Variants in RABGEF1 observed in about 807,000 individuals in gnomAD.
RABGEF1 encodes the protein RAB guanine nucleotide exchange factor 1, also known as rab5 GDP/GTP exchange factor.
Under a neutral mutation model 57.3 loss-of-function variants are expected in RABGEF1, and 26 were observed. The ratio of observed to expected loss-of-function variants is 0.45; its 90% CI spans 0.33 to 0.63. RABGEF1 has a LOEUF of 0.63. RABGEF1 is among the 20% of genes least tolerant of loss of function. RABGEF1 has a pLI of 0.02. For synonymous variants in RABGEF1, 185 were observed against 210.7 expected (o/e 0.88, Z 1.06); for missense variants, 464 against 607.6 (o/e 0.76, Z 2.48).
At chr7:66,723,158 G>C (rs867947578) in intron 2 of RABGEF1, among the ~76,000 whole-genome samples, 1 of 151,942 alleles carries the variant, frequency 6.6e-6, no homozygotes. Flanking sequence ...TAGTAGAGAC[G>C]GGGTTTCACC....
chr7:66,752,728 A>G (rs1801727916), intron 1 of RABGEF1, among the ~76,000 whole-genome samples: 1 of 152,112 alleles, frequency 6.6e-6, no homozygotes, highest in East Asian at 1.9e-4. Flanking sequence ...TGAATCAGAA[A>G]CTCTGGGGTG....
chr7:66,661,624 A>G, the RABGEF1 span, among the ~76,000 whole-genome samples: 2 of 152,180 alleles, frequency 1.3e-5, no homozygotes, highest in Non-Finnish European at 2.9e-5. Flanking sequence ...TTAAATTACT[A>G]ATTAAAATCC....
chr7:66,709,467 T>C (rs1794528368), intron 1 of RABGEF1, among the ~76,000 whole-genome samples: 2 of 152,112 alleles, frequency 1.3e-5, no homozygotes, highest in Admixed American at 1.3e-4. Context: ...AGTATACATA[T>C]TACAGTATTA....
At chr7:66,765,684 A>G (rs1805518341) in intron 1 of RABGEF1, among the ~76,000 whole-genome samples, 1 of 152,224 alleles carries the variant, frequency 6.6e-6, no homozygotes, top group South Asian at 2.1e-4. Context: ...TAGAAGGATC[A>G]TGTCACACAG....
At chr7:66,671,807 G>A in the RABGEF1 span, among the ~76,000 whole-genome samples, 3 of 143,842 alleles carry the variant, frequency 2.1e-5, no homozygotes, top group South Asian at 2.2e-4. Flanking sequence ...GGGCAACAGA[G>A]TGAGACTGTC....
At chr7:66,792,347 A>G (rs1412798851) in intron 4 of RABGEF1, among the ~76,000 whole-genome samples, 1 of 152,198 alleles carries the variant, frequency 6.6e-6, no homozygotes, top group Admixed American at 6.5e-5. Context: ...TAACAAATTA[A>G]CCTGCCATGG....
chr7:66,756,789 A>T (rs2129072743), intron 1 of RABGEF1, among the ~76,000 whole-genome samples: 1 of 152,288 alleles, frequency 6.6e-6, no homozygotes, highest in East Asian at 1.9e-4. Flanking sequence ...TTTTAAAGAT[A>T]CCTGTAATTA....
intron 4 of RABGEF1, among the ~76,000 whole-genome samples, chr7:66,787,095 C>T (rs959544117): frequency 6.6e-6 from 1 of 152,054 alleles, no homozygotes; most frequent in African/African-American, 2.4e-5. Context: ...GGTGTGATCT[C>T]TGCTCATTGC....
chr7:66,696,207 A>T (rs1011185263), intron 1 of RABGEF1, among the ~76,000 whole-genome samples: 1 of 152,010 alleles, frequency 6.6e-6, no homozygotes, highest in African/African-American at 2.4e-5. Flanking sequence ...CTGGGATTAC[A>T]AGTGCCTAAC....
At chr7:66,719,222 A>G (rs1242458040) in intron 2 of RABGEF1, among the ~76,000 whole-genome samples, 1 of 152,220 alleles carries the variant, frequency 6.6e-6, no homozygotes, top group Non-Finnish European at 1.5e-5. Context: ...GGCTGTCTCC[A>G]TTCTTCCTGA....
At chr7:66,735,830 C>G (rs557159764), upstream of RABGEF1, among the ~76,000 whole-genome samples, 4 of 152,328 alleles carry the variant, frequency 2.6e-5, no homozygotes, top group South Asian at 8.3e-4. Flanking sequence ...AACCTCTTTC[C>G]TTTATAAATC....
chr7:66,678,564 CAAA>C (rs58309880), upstream of RABGEF1, among the ~76,000 whole-genome samples: 7 of 86,190 alleles, frequency 8.1e-5, no homozygotes, highest in African/African-American at 1.9e-4. Context: ...GAGTCCGTCT[CAAA>C]AAAAAAAAAA....
the RABGEF1 span, among the ~76,000 whole-genome samples, chr7:66,662,775 G>A: frequency 2.7e-5 from 4 of 150,750 alleles, no homozygotes; most frequent in African/African-American, 4.9e-5. Context: ...ATGTACAGCC[G>A]TGTGTGCACG....
chr7:66,796,766 T>A (rs1343797669), intron 5 of RABGEF1: 1 of 323,170 alleles, frequency 3.1e-6, no homozygotes, highest in East Asian at 1.2e-4. Flanking sequence ...AATTTTTGTA[T>A]TTTTATTAGA....
rs1799738273 is a variant in RABGEF1, at chr7:66,744,473, C to T, written c.-18+3681C>T. 2.6e-5 allele frequency among the ~76,000 whole-genome samples: 4 copies of T among 151,594 alleles called. No individual in the cohort carries two copies. In the South Asian group the frequency reaches 8.3e-4, roughly 31 times the overall value. ...CACGAGGTCAGGAGATCAAGACCAT[C>T]CTGGCTAACACGGTGAAACCCTGTC... On this transcript the variant is annotated intron_variant, in intron 1 of 8. Coordinates refer to ENST00000284957, the MANE Select transcript of RABGEF1 (RefSeq NM_014504.3).
chr7:66,696,689 C>CAAAAA (rs71049476), intron 1 of RABGEF1, among the ~76,000 whole-genome samples: 3 of 66,308 alleles, frequency 4.5e-5, no homozygotes, highest in Non-Finnish European at 9.4e-5. Flanking sequence ...GACTCCGTCT[C>CAAAAA]AAAAAAAAAA....
At chr7:66,701,474 G>A (rs2117256831) in intron 1 of RABGEF1, among the ~76,000 whole-genome samples, 1 of 151,826 alleles carries the variant, frequency 6.6e-6, no homozygotes, top group East Asian at 1.9e-4. Context: ...ACTCCAGCCT[G>A]GAGGACAGAG....
At chr7:66,797,803 C>T (rs1376833547) in intron 6 of RABGEF1, among the ~76,000 whole-genome samples, 1 of 152,206 alleles carries the variant, frequency 6.6e-6, no homozygotes, top group Non-Finnish European at 1.5e-5. Flanking sequence ...TTACCATCTC[C>T]TCAAGTGGGA....
intron 1 of RABGEF1, among the ~76,000 whole-genome samples, chr7:66,745,020 A>G (rs35130766): frequency 0.5 from 76,218 of 151,664 alleles, 20,067 homozygotes; most frequent in East Asian, 0.74. Context: ...GTAAAACCCC[A>G]TCTCTAATAA....
Sources: allele counts gnomAD v4.1 joint callset (sites outside exome capture counted in the v4.1 genomes callset), GRCh38; gene constraint gnomAD v4.1.1; transcripts MANE v1.5; gene names NCBI Gene and HGNC (gene_info 2026-07-23, HGNC 2026-07-21).